PISD: variants seen among roughly 807,000 people sequenced by gnomAD.
PISD encodes the protein phosphatidylserine decarboxylase proenzyme, mitochondrial.
A neutral mutation model predicts 43.5 loss-of-function variants in PISD; 31 were observed. That is an observed-to-expected ratio of 0.71 (90% CI 0.54 to 0.96). The LOEUF is 0.96. Among genes scored for constraint, PISD ranks in the 40% least tolerant of loss-of-function variants. The pLI, the probability that PISD is intolerant of heterozygous loss-of-function variation, is 0.00. For missense variants in PISD, 523 were observed against 548.4 expected (o/e 0.95, Z 0.46); for synonymous variants, 259 against 228.7 (o/e 1.13, Z -1.20).
At chr22:31,637,335 C>G (rs2147738222) in intron 3 of PISD, among the ~76,000 whole-genome samples, 1 of 150,236 alleles carries the variant, frequency 6.7e-6, no homozygotes, top group South Asian at 2.1e-4. Flanking sequence ...TACACTCCAG[C>G]CTGGGCAACA....
chr22:31,641,944 T>C (rs1987976412), intron 3 of PISD, among the ~76,000 whole-genome samples: 1 of 151,334 alleles, frequency 6.6e-6, no homozygotes, highest in Admixed American at 6.6e-5. Flanking sequence ...CCGATTGTTT[T>C]AGAAGCCAAA....
intron 3 of PISD, among the ~76,000 whole-genome samples, chr22:31,635,314 T>C (rs1346917512): frequency 6.6e-6 from 1 of 152,190 alleles, no homozygotes; most frequent in Non-Finnish European, 1.5e-5. Flanking sequence ...TCCATGTCTT[T>C]TTTTTGGAGA....
At chr22:31,640,281 C>T (rs2073653779) in intron 3 of PISD, among the ~76,000 whole-genome samples, 1 of 151,536 alleles carries the variant, frequency 6.6e-6, no homozygotes, top group Non-Finnish European at 1.5e-5. Context: ...TCACTGCAAC[C>T]TCTACCTCCT....
intron 3 of PISD, among the ~76,000 whole-genome samples, chr22:31,645,771 C>T (rs1261389808): frequency 1.1e-4 from 16 of 147,772 alleles, no homozygotes; most frequent in Non-Finnish European, 2.1e-4. Context: ...AGGTGGGAGA[C>T]GCTTGAACCG....
At chr22:31,646,420 C>T (rs985069234) in intron 3 of PISD, among the ~76,000 whole-genome samples, 3 of 152,196 alleles carry the variant, frequency 2.0e-5, no homozygotes, top group Non-Finnish European at 2.9e-5. Flanking sequence ...ACCCTGTCCT[C>T]TTTACAACCA....
intron 3 of PISD, chr22:31,625,658 C>G: frequency 7.1e-7 from 1 of 1,416,974 alleles, no homozygotes; most frequent in Non-Finnish European, 9.7e-7. Context: ...GACCACCAGT[C>G]CCCTTGCCGC....
chr22:31,627,614 G>T (rs2072980330), intron 3 of PISD, among the ~76,000 whole-genome samples: 1 of 152,260 alleles, frequency 6.6e-6, no homozygotes, highest in African/African-American at 2.4e-5. Flanking sequence ...TGAGCTCACA[G>T]CCAGGATTCA....
chr22:31,640,880 GTTTTTTTT>G (rs1214973570), intron 3 of PISD, among the ~76,000 whole-genome samples: 2 of 24,596 alleles, frequency 8.1e-5, no homozygotes, highest in Non-Finnish European at 1.3e-4. Flanking sequence ...CACACCCGGT[GTTTTTTTT>G]TTTTTTTTTT....
At chr22:31,628,939 C>T (rs1318042895) in intron 3 of PISD, 19 of 985,282 alleles carry the variant, frequency 1.9e-5, no homozygotes, top group South Asian at 1.4e-4. Context: ...GCTTAGGTGG[C>T]AGTTCTAAAA....
chr22:31,637,204 T>TATATATATACAC (rs1267117734), intron 3 of PISD, among the ~76,000 whole-genome samples: 13 of 95,770 alleles, frequency 1.4e-4, no homozygotes, highest in South Asian at 6.8e-4. Flanking sequence ...TATATATATA[T>TATATATATACAC]ATAGAAAAAT....
intron 7 of PISD, among the ~76,000 whole-genome samples, 157 bp from the exon 8 acceptor site, chr22:31,619,993 G>A (rs1369021222): frequency 2.0e-5 from 3 of 152,240 alleles, no homozygotes; most frequent in Non-Finnish European, 2.9e-5. Context: ...AGGGCCAGGT[G>A]GGCCTGCTCT....
intron 1 of PISD, among the ~76,000 whole-genome samples, chr22:31,654,552 G>A (rs1021618539): frequency 8.5e-5 from 13 of 152,232 alleles, no homozygotes; most frequent in Admixed American, 3.9e-4. Flanking sequence ...TCCTGCCCGA[G>A]TTCTCTATCC....
At chr22:31,641,751 C>T (rs575944818) in intron 3 of PISD, among the ~76,000 whole-genome samples, 4 of 151,118 alleles carry the variant, frequency 2.6e-5, no homozygotes, top group East Asian at 1.9e-4. Context: ...ACCCGGGAGG[C>T]GCAGGTTGCA....
At chr22:31,638,281 C>T in intron 3 of PISD, 2 of 678,340 alleles carry the variant, frequency 2.9e-6, no homozygotes, top group Non-Finnish European at 3.6e-6. Flanking sequence ...GGGGCAGGTC[C>T]AGTCACAACA....
At chr22:31,639,515 A>AG (rs2073625701) in intron 3 of PISD, among the ~76,000 whole-genome samples, 1 of 152,212 alleles carries the variant, frequency 6.6e-6, no homozygotes, top group Non-Finnish European at 1.5e-5. Context: ...GGCATGAGCC[A>AG]CCATGCCTAG....
At chr22:31,647,984 A>C in intron 3 of PISD, 117 bp downstream of exon 3, 1 of 880,664 alleles carries the variant, frequency 1.1e-6, no homozygotes, top group Admixed American at 2.7e-5. Context: ...TACTGGAGAC[A>C]TGAGTTCCAA....
intron 2 of PISD, among the ~76,000 whole-genome samples, chr22:31,649,544 T>A (rs2073979058): frequency 6.6e-6 from 1 of 151,958 alleles, no homozygotes; most frequent in Non-Finnish European, 1.5e-5. Flanking sequence ...CCATCCTGGC[T>A]AACACGGTGA....
intron 5 of PISD, 29 bp from the exon 6 acceptor site, chr22:31,621,171 A>G (rs781082825): frequency 2.5e-6 from 4 of 1,613,922 alleles, no homozygotes; most frequent in East Asian, 4.5e-5. Flanking sequence ...CGTGGGGGCC[A>G]CCAACACAGT....
chr22:31,642,867 C>G (rs1160903932), intron 3 of PISD, among the ~76,000 whole-genome samples: 1 of 151,340 alleles, frequency 6.6e-6, no homozygotes, highest in African/African-American at 2.4e-5. Context: ...CTTTGGGAGG[C>G]TGAGGCGGGC....
Sources: allele counts gnomAD v4.1 joint callset (sites outside exome capture counted in the v4.1 genomes callset), GRCh38; gene constraint gnomAD v4.1.1; transcripts MANE v1.5; gene names NCBI Gene and HGNC (gene_info 2026-07-23, HGNC 2026-07-21).